Variants in ZDHHC24 observed in about 807,000 individuals in gnomAD.
ZDHHC24 encodes zDHHC palmitoyltransferase 24, also known as probable palmitoyltransferase ZDHHC24.
In ZDHHC24, 17 loss-of-function variants were observed where a neutral mutation model predicts 23.2. The observed-to-expected ratio is 0.73, with a 90% confidence interval of 0.50 to 1.10. The LOEUF is 1.10. Ranked by LOEUF, ZDHHC24 falls within the 50% of genes least tolerant of loss-of-function variation. The pLI is 0.00. For synonymous variants in ZDHHC24, 186 were observed against 194.5 expected (o/e 0.96, Z 0.36); for missense variants, 366 against 393.0 (o/e 0.93, Z 0.58).
downstream of ZDHHC24, chr11:66,520,858 C>T (rs1856185435): frequency 3.2e-6 from 1 of 313,642 alleles, no homozygotes; most frequent in Non-Finnish European, 6.2e-6. Context: ...CTCATCTTCT[C>T]ATCTGTGGGA....
At chr11:66,527,708 C>G (rs530311621) in intron 3 of ZDHHC24, 1 of 151,802 alleles carries the variant, frequency 6.6e-6, no homozygotes, top group Non-Finnish European at 1.5e-5. Context: ...ATAATAGTCC[C>G]TACCTTAGGA....
chr11:66,527,736 C>A (rs1306999842), intron 3 of ZDHHC24: 1 of 151,162 alleles, frequency 6.6e-6, no homozygotes, highest in Non-Finnish European at 1.5e-5. Flanking sequence ...CTACCTGGGG[C>A]CAACTTCATG....
chr11:66,539,128 G>T lies in ZDHHC24; in HGVS notation c.*401C>A. The T allele has an allele frequency of 3.1e-6, 2 of 643,618 alleles. No individual in the cohort carries two copies. Among genetic ancestry groups the T allele is most frequent in the Non-Finnish European group, 3.9e-6 (2 of 513,808 alleles). 39.9% of individuals were successfully genotyped at this position (643,618 alleles called of 1,614,324 possible). A position where few individuals can be genotyped will look rare whatever the true frequency, so the allele number is the denominator to read the frequency against. On this transcript the variant is annotated 3_prime_UTR_variant, in exon 3 of 3. Coordinates refer to ENST00000310442, the MANE Select transcript of ZDHHC24 (RefSeq NM_207340.3). ...GGTGCCCCACCCCCAACTCACCCAG[G>T]CCAGGGGAGGTAGAGCCCCAGCCCC...
chr11:66,521,820 G>A (rs948315260), intron 4 of ZDHHC24, among the ~76,000 whole-genome samples: 3 of 147,900 alleles, frequency 2.0e-5, no homozygotes, highest in Admixed American at 6.9e-5. Flanking sequence ...TAGGAGAATC[G>A]CTTGAACCCA....
intron 2 of ZDHHC24, among the ~76,000 whole-genome samples, chr11:66,541,063 C>T (rs1857137475): frequency 6.6e-6 from 1 of 152,096 alleles, no homozygotes; most frequent in Non-Finnish European, 1.5e-5. Context: ...GATGGTTGCA[C>T]TACATCATGA....
chr11:66,529,874 C>T lies in ZDHHC24; in HGVS notation c.560-386G>A, dbSNP rs756550025. On this transcript the variant is annotated intron_variant, in intron 2 of 4. Coordinates refer to the ZDHHC24 transcript ENST00000526986. ...ACCTGCTGCGCCTACGTGCTGCCCGCGCCTACCTGCAGGCCCTCGAGTCCA... is the reference window on the plus strand; with the variant it reads ...ACCTGCTGCGCCTACGTGCTGCCCGTGCCTACCTGCAGGCCCTCGAGTCCA... 1.1e-5 allele frequency: 18 copies of T among 1,610,038 alleles called. No individual in the cohort carries two copies. Among genetic ancestry groups the T allele is most frequent in the Admixed American group, 6.7e-5 (4 of 60,000 alleles).
intron 4 of ZDHHC24, chr11:66,522,979 G>A: frequency 2.7e-6 from 1 of 366,344 alleles, no homozygotes; most frequent in Non-Finnish European, 5.4e-6. Context: ...ACATTGGCGT[G>A]TGCTCCTCGA....
chr11:66,531,903 AG>A (rs900334123), downstream of ZDHHC24: 6 of 1,570,506 alleles, frequency 3.8e-6, no homozygotes, highest in African/African-American at 4.1e-5. Flanking sequence ...AGACCAGGCA[AG>A]GGGTCAGGGG....
At chr11:66,539,850 A>G in intron 2 of ZDHHC24, 26 bp from the exon 3 acceptor site, 1 of 1,548,148 alleles carries the variant, frequency 6.5e-7, no homozygotes, top group Non-Finnish European at 8.7e-7. Flanking sequence ...AGAGAGGGTC[A>G]GGGAGGGGCA....
At position 66,537,710 on chromosome 11, in the gene ZDHHC24, C is replaced by G. The variant is rs936406811; in HGVS notation, c.*1819G>C. The G allele has an allele frequency of 5.5e-5, 8 of 145,192 alleles. No homozygotes were observed. Among genetic ancestry groups the G allele is most frequent in the Non-Finnish European group, 9.5e-5 (6 of 63,232 alleles). 9.0% of individuals were successfully genotyped at this position (145,192 alleles called of 1,614,324 possible). A position where few individuals can be genotyped will look rare whatever the true frequency, so the allele number is the denominator to read the frequency against. ...TTGGGAGGCCGAGGCAGGTGGATCA[C>G]AAGGTCAGGAGATCGAGACCATCCT... On this transcript the variant is annotated 3_prime_UTR_variant, in exon 3 of 3. Coordinates refer to ENST00000310442, the MANE Select transcript of ZDHHC24 (RefSeq NM_207340.3).
chr11:66,523,937 C>G, intron 4 of ZDHHC24: 1 of 1,606,104 alleles, frequency 6.2e-7, no homozygotes, highest in African/African-American at 1.3e-5. Context: ...CGTCTCACCT[C>G]TGGGGCTTCT....
intron 2 of ZDHHC24, among the ~76,000 whole-genome samples, chr11:66,530,399 C>T (rs938093630): frequency 6.6e-6 from 1 of 152,014 alleles, no homozygotes; most frequent in African/African-American, 2.4e-5. Flanking sequence ...AAGGAGGAAC[C>T]CCGCAAGGCT....
chr11:66,520,997 G>T, downstream of ZDHHC24: 1 of 470,444 alleles, frequency 2.1e-6, no homozygotes, highest in Middle Eastern at 4.5e-4. Context: ...GGGATTACAG[G>T]TGTGGGCCAC....
chr11:66,523,786 G>T, intron 4 of ZDHHC24: 2 of 1,613,338 alleles, frequency 1.2e-6, no homozygotes, highest in South Asian at 2.2e-5. Context: ...TCCTGGAGCA[G>T]CATTCCCGGG....
At chr11:66,525,311 A>G (rs1046712510) in intron 4 of ZDHHC24, among the ~76,000 whole-genome samples, 12 of 152,218 alleles carry the variant, frequency 7.9e-5, no homozygotes, top group Admixed American at 5.2e-4. Context: ...GTGAACTGAG[A>G]TCGCGCCACT....
chr11:66,529,808 C>G, intron 2 of ZDHHC24: 1 of 1,610,636 alleles, frequency 6.2e-7, no homozygotes, highest in East Asian at 2.2e-5. Context: ...CTCTGGGACC[C>G]TTCTCCACAG....
At chr11:66,529,439 C>G (rs918345608) in exon 3 of ZDHHC24, 14 of 843,154 alleles carry the variant, frequency 1.7e-5, no homozygotes, top group Non-Finnish European at 2.3e-5. Flanking sequence ...AGCGTGGACA[C>G]CAAGGACTCC....
rs1420414022 is a variant in ZDHHC24, at chr11:66,545,108, C to T, written c.281+615G>A. Among the ~76,000 whole-genome samples the T allele has an allele frequency of 6.6e-6, 1 of 152,152 alleles. No homozygotes were observed. Among genetic ancestry groups the T allele is most frequent in the South Asian group, 2.1e-4 (1 of 4,828 alleles). ...AGGCTGGAGTGCAGTGGCTCGATCT[C>T]GGCTCACTGCAACCTCCGCCTCCCA... is the stretch of plus-strand genomic sequence containing the variant. On this transcript the variant is annotated intron_variant, in intron 1 of 2. Transcript: ENST00000310442. The surrounding 1 kb of genome is among the most constrained non-coding windows in gnomAD (Gnocchi z 4.5).
intron 3 of ZDHHC24, among the ~76,000 whole-genome samples, chr11:66,527,400 G>A (rs1856563697): frequency 6.6e-6 from 1 of 152,106 alleles, no homozygotes; most frequent in African/African-American, 2.4e-5. Context: ...GCCAGGTGCA[G>A]TGGCTCACGC....
Sources: allele counts gnomAD v4.1 joint callset (sites outside exome capture counted in the v4.1 genomes callset), GRCh38; gene constraint gnomAD v4.1.1; non-coding constraint Gnocchi (gnomAD v3.1); transcripts MANE v1.5; gene names NCBI Gene and HGNC (gene_info 2026-07-23, HGNC 2026-07-21).